Variants in ZKSCAN1 observed in about 807,000 individuals in gnomAD.
ZKSCAN1 encodes the protein zinc finger protein with KRAB and SCAN domains 1.
In ZKSCAN1, 14 loss-of-function variants were observed where a neutral mutation model predicts 51.6. The observed-to-expected ratio is 0.27, with a 90% CI of 0.18 to 0.42. The LOEUF is 0.42. ZKSCAN1 is among the 10% of genes least tolerant of loss of function. The probability of loss-of-function intolerance (pLI) is 1.00; values close to 1 mark genes in which losing one functional copy is unlikely to be tolerated. For missense variants in ZKSCAN1, 531 were observed against 710.0 expected (o/e 0.75, Z 2.86); for synonymous variants, 263 against 261.5 (o/e 1.01, Z -0.06).
At chr7:100,024,068 A>G (rs1790708916) in intron 2 of ZKSCAN1, 86 bp from the exon 3 acceptor site, 1 of 1,530,978 alleles carries the variant, frequency 6.5e-7, no homozygotes, top group Non-Finnish European at 8.8e-7. Flanking sequence ...TCCTGCATCC[A>G]CTGGCATACT....
At position 100,040,597 on chromosome 7, in the gene ZKSCAN1, G is replaced by T. The variant is rs1584358328; in HGVS notation, c.*6400G>T. 2.0e-6 allele frequency: 2 copies of T among 985,286 alleles called. No homozygotes were observed. The highest frequency in any genetic ancestry group is 1.1e-4 in the East Asian group (1 of 8,828). 61.0% of individuals were successfully genotyped at this position (985,286 alleles called of 1,614,324 possible). A position where few individuals can be genotyped will look rare whatever the true frequency, so the allele number is the denominator to read the frequency against. On this transcript the variant is annotated 3_prime_UTR_variant, in exon 6 of 6. Transcript: ENST00000324306. ...GGGAAGGGTCCAAGCAGCCACAGTT[G>T]CCCTAAATCTCCATCATTAAGTCTT... is the stretch of plus-strand genomic sequence containing the variant.
At chr7:100,023,191 A>G (rs1041680645) in intron 1 of ZKSCAN1, among the ~76,000 whole-genome samples, 9 of 151,904 alleles carry the variant, frequency 5.9e-5, no homozygotes, top group African/African-American at 2.2e-4. Flanking sequence ...TTGTATTTTT[A>G]GTAGAGACGG....
intron 1 of ZKSCAN1, among the ~76,000 whole-genome samples, chr7:100,021,317 T>C (rs1353320896): frequency 6.6e-6 from 1 of 151,850 alleles, no homozygotes; most frequent in Non-Finnish European, 1.5e-5. Flanking sequence ...AGACGGGGTT[T>C]CACGATGATG....
At chr7:100,021,967 C>T (rs1483210745) in intron 1 of ZKSCAN1, among the ~76,000 whole-genome samples, 2 of 151,968 alleles carry the variant, frequency 1.3e-5, no homozygotes, top group African/African-American at 4.8e-5. Context: ...TGGTCTCAAA[C>T]TTCTGGCTTC....
rs1791277625 is a variant in ZKSCAN1 at position 100,034,808 on chromosome 7, A to G, written c.*611A>G. ...TCTATCTCTTCCCGAAAGAGAGGGT[A>G]TGTGCACCAGTCTACAGTTCCAAAG... On this transcript the variant is annotated 3_prime_UTR_variant, in exon 6 of 6. Coordinates refer to ENST00000324306, the MANE Select transcript of ZKSCAN1 (RefSeq NM_003439.4). 1 of 154,620 alleles carries G rather than the reference A, an allele frequency of 6.5e-6. No individual in the cohort carries two copies. The allele number at this position is 154,620 out of a possible 1,614,324, so 9.6% of individuals were successfully genotyped here. A position where few individuals can be genotyped will look rare whatever the true frequency, so the allele number is the denominator to read the frequency against.
chr7:100,034,415 C>T lies in ZKSCAN1; in HGVS notation c.*218C>T, dbSNP rs139505766. 163 of 1,284,078 alleles carry T rather than the reference C, an allele frequency of 1.3e-4. 1 individual carries two copies. In the African/African-American group the frequency reaches 1.6e-3, roughly 13 times the overall value. The allele number at this position is 1,284,078 out of a possible 1,614,324, so 79.5% of individuals were successfully genotyped here. Reference sequence around the variant, plus strand: ...CCCCTGCAGGGAAAGGCTAATCTTACGGATAATCCACGTGAGATTTCCACA... The same window carrying T: ...CCCCTGCAGGGAAAGGCTAATCTTATGGATAATCCACGTGAGATTTCCACA... On this transcript the variant is annotated 3_prime_UTR_variant, in exon 6 of 6. Coordinates refer to ENST00000324306, the MANE Select transcript of ZKSCAN1 (RefSeq NM_003439.4).
chr7:100,024,149 T>A lies in ZKSCAN1; in HGVS notation c.427-5T>A. ...TACCCACAAGCCCAACCTGTCTGTC[T>A]TCAGGTCCCAGGTCAAGTTCATGGA... On this transcript the variant is annotated splice_region_variant and splice_polypyrimidine_tract_variant and intron_variant, in intron 2 of 5. Transcript: ENST00000324306. 1.2e-6 allele frequency: 2 copies of A among 1,607,574 alleles called. No homozygotes were observed. The highest frequency in any genetic ancestry group is 1.7e-6 in the Non-Finnish European group (2 of 1,177,140).
chr7:100,040,051 T>G lies in ZKSCAN1; in HGVS notation c.*5854T>G, dbSNP rs1019987516. On this transcript the variant is annotated 3_prime_UTR_variant, in exon 6 of 6. Coordinates refer to ENST00000324306, the MANE Select transcript of ZKSCAN1 (RefSeq NM_003439.4). ...TTATTTTGCTATTCAGATTTTTTAT[T>G]ATCTGAAAATGAAATTATCTGTTTT... 7 of 868,384 alleles carry G rather than the reference T, an allele frequency of 8.1e-6. No individual in the cohort carries two copies. In the African/African-American group the frequency reaches 1.3e-4, roughly 16 times the overall value. The allele number at this position is 868,384 out of a possible 1,614,324, so 53.8% of individuals were successfully genotyped here.
chr7:100,032,811 A>C (rs1015084552), intron 5 of ZKSCAN1, among the ~76,000 whole-genome samples: 1 of 152,062 alleles, frequency 6.6e-6, no homozygotes, highest in Non-Finnish European at 1.5e-5. Flanking sequence ...GATCGAGACT[A>C]TCCTGGCTAA....
intron 3 of ZKSCAN1, 107 bp downstream of exon 3, chr7:100,024,414 C>T (rs759376113): frequency 6.6e-5 from 91 of 1,369,396 alleles, no homozygotes; most frequent in Admixed American, 1.4e-4. Context: ...GGCAACGTAG[C>T]GAGACCCCAT....
Position 100,041,674 on chromosome 7 carries a change from T to C in ZKSCAN1, c.*7477T>C. On this transcript the variant is annotated 3_prime_UTR_variant, in exon 6 of 6. Coordinates refer to ENST00000324306, the MANE Select transcript of ZKSCAN1 (RefSeq NM_003439.4). ...TGAGTCATGGTAAAACAATAAATTA[T>C]CATCTCTAGGTGGCAGTGCTTGTGC... is the stretch of plus-strand genomic sequence containing the variant. 1 of 985,450 alleles carries C rather than the reference T, an allele frequency of 1.0e-6. No homozygotes were observed. Among genetic ancestry groups the C allele is most frequent in the Non-Finnish European group, 1.2e-6 (1 of 829,938 alleles). The allele number at this position is 985,450 out of a possible 1,614,324, so 61.0% of individuals were successfully genotyped here. A position where few individuals can be genotyped will look rare whatever the true frequency, so the allele number is the denominator to read the frequency against.
intron 5 of ZKSCAN1, among the ~76,000 whole-genome samples, chr7:100,030,865 A>G (rs1367011721): frequency 1.3e-5 from 2 of 152,146 alleles, no homozygotes; most frequent in South Asian, 2.1e-4. Context: ...ATTCCAATAC[A>G]CTGCTTTGTG....
At chr7:100,025,014 T>C (rs905909044) in intron 3 of ZKSCAN1, 1 of 151,860 alleles carries the variant, frequency 6.6e-6, no homozygotes, top group Non-Finnish European at 1.5e-5. Context: ...TACCAAATAT[T>C]GGGGAAAATA....
intron 3 of ZKSCAN1, among the ~76,000 whole-genome samples, chr7:100,025,208 G>A (rs1790772865): frequency 6.6e-6 from 1 of 150,828 alleles, no homozygotes; most frequent in Admixed American, 6.6e-5. Context: ...ATTTTAGTAT[G>A]TCATGAATTA....
At chr7:100,027,313 A>ATT (rs958867850) in intron 3 of ZKSCAN1, among the ~76,000 whole-genome samples, 1 of 151,740 alleles carries the variant, frequency 6.6e-6, no homozygotes, top group Admixed American at 6.6e-5. Context: ...AAAAAAAAGA[A>ATT]TTGGTCGAGG....
At position 100,035,984 on chromosome 7, in the gene ZKSCAN1, C is replaced by A; in HGVS notation, c.*1787C>A. 1.0e-6 allele frequency: 1 copy of A among 985,420 alleles called. No homozygotes were observed. Among genetic ancestry groups the A allele is most frequent in the South Asian group, 4.7e-5 (1 of 21,286 alleles). 61.0% of individuals were successfully genotyped at this position (985,420 alleles called of 1,614,324 possible). Reference sequence around the variant, plus strand: ...GACTATCAGTGTGACCTCCCCATAACAAGAGAACCCCATATATAGTTTGAG... The same window carrying A: ...GACTATCAGTGTGACCTCCCCATAAAAAGAGAACCCCATATATAGTTTGAG... On this transcript the variant is annotated 3_prime_UTR_variant, in exon 6 of 6. Transcript: ENST00000324306.
At chr7:100,030,036 C>T in intron 4 of ZKSCAN1, 84 bp downstream of exon 4, 17 of 1,483,236 alleles carry the variant, frequency 1.1e-5, no homozygotes, top group Non-Finnish European at 1.6e-5. Context: ...ACAGGCCACT[C>T]TGGATGCCCC....
chr7:100,040,199 T>A lies in ZKSCAN1; in HGVS notation c.*6002T>A. ...TCCCACAATACAGAATGTCTTAACA[T>A]GAGAATTGAATTTCATGATGTGTGG... On this transcript the variant is annotated 3_prime_UTR_variant, in exon 6 of 6. Transcript: ENST00000324306. 1 of 985,162 alleles carries A rather than the reference T, an allele frequency of 1.0e-6. No homozygotes were observed. Among genetic ancestry groups the A allele is most frequent in the Non-Finnish European group, 1.2e-6 (1 of 829,672 alleles). 61.0% of individuals were successfully genotyped at this position (985,162 alleles called of 1,614,324 possible).
Position 100,041,182 on chromosome 7 carries a change from G to C in ZKSCAN1, c.*6985G>C. 15 of 732,618 alleles carry C rather than the reference G, an allele frequency of 2.0e-5. No individual in the cohort carries two copies. Among genetic ancestry groups the C allele is most frequent in the Non-Finnish European group, 2.5e-5 (15 of 599,366 alleles). 45.4% of individuals were successfully genotyped at this position (732,618 alleles called of 1,614,324 possible). ...TGTTTTGTCAGTTCCCAGCTTCTTC[G>C]TTTAGAATAAATTAGACCAAAAGAA... On this transcript the variant is annotated 3_prime_UTR_variant, in exon 6 of 6. Transcript: ENST00000324306.
Sources: gnomAD v4.1 joint callset for allele counts (sites outside exome capture counted in the v4.1 genomes callset) on GRCh38, gnomAD v4.1.1 for gene constraint, MANE v1.5 for transcripts, NCBI Gene and HGNC (gene_info 2026-07-23, HGNC 2026-07-21) for gene names.